PPP4R2: variants seen among roughly 807,000 people sequenced by gnomAD.
PPP4R2 encodes serine/threonine-protein phosphatase 4 regulatory subunit 2.
PPP4R2 carries 13 observed loss-of-function variants against 47.2 expected under a neutral mutation model. The ratio of observed to expected loss-of-function variants is 0.28; its 90% CI spans 0.18 to 0.44. The LOEUF is 0.44. Ranked by LOEUF, PPP4R2 falls within the 20% of genes least tolerant of loss-of-function variation. The probability of loss-of-function intolerance (pLI) is 1.00; values close to 1 mark genes in which losing one functional copy is unlikely to be tolerated. For synonymous variants in PPP4R2, 151 were observed against 163.3 expected (o/e 0.92, Z 0.57); for missense variants, 421 against 491.2 (o/e 0.86, Z 1.35).
rs1377545357 is a variant in PPP4R2 at position 73,066,257 on chromosome 3, TA to T, written c.*536del. The T allele has an allele frequency of 6.8e-6, 1 of 147,218 alleles. No homozygotes were observed. Among genetic ancestry groups the T allele is most frequent in the Non-Finnish European group, 1.5e-5 (1 of 66,774 alleles). The allele number at this position is 147,218 out of a possible 1,614,324, so 9.1% of individuals were successfully genotyped here. A position where few individuals can be genotyped will look rare whatever the true frequency, so the allele number is the denominator to read the frequency against. On this transcript the variant is annotated 3_prime_UTR_variant, in exon 9 of 9. Transcript: ENST00000356692. ...ATACATACATATATATATATATATA[TA>T]TATAATTCTAAGGGGGGAAATGTTA... is the stretch of plus-strand genomic sequence containing the variant.
In PPP4R2 at chr3:72,996,888, C is replaced by A. The variant is rs1157545713; in HGVS notation, c.-150C>A. On this transcript the variant is annotated 5_prime_UTR_variant, in exon 1 of 9. Coordinates refer to ENST00000356692, the MANE Select transcript of PPP4R2 (RefSeq NM_174907.4). ...TCGGTCTTGCTCTCTCGCACGCTTC[C>A]CCCGGCTCCCTTCGTTTCCCCCCCC... 4 of 459,188 alleles carry A rather than the reference C, an allele frequency of 8.7e-6. No homozygotes were observed. Among genetic ancestry groups the A allele is most frequent in the Non-Finnish European group, 1.5e-5 (4 of 266,408 alleles). 28.4% of individuals were successfully genotyped at this position (459,188 alleles called of 1,614,324 possible).
chr3:73,004,867 GTGTTTGTTTGTTTGTT>G (rs10574001), intron 2 of PPP4R2, among the ~76,000 whole-genome samples: 3 of 78,590 alleles, frequency 3.8e-5, no homozygotes, highest in Admixed American at 1.1e-4. Flanking sequence ...GTGTGTGTGT[GTGTTTGTTTGTTTGTT>G]TGTGTGTGTG....
chr3:72,997,251 C>T (rs2107185924), intron 1 of PPP4R2, 180 bp downstream of exon 1: 1 of 435,458 alleles, frequency 2.3e-6, no homozygotes, highest in Non-Finnish European at 4.1e-6. Flanking sequence ...TCTCTCCCGC[C>T]CCGCTCTGGC....
At chr3:73,020,494 C>T (rs187765350) in intron 2 of PPP4R2, among the ~76,000 whole-genome samples, 1 of 151,880 alleles carries the variant, frequency 6.6e-6, no homozygotes, top group African/African-American at 2.4e-5. Context: ...ATGCTGAAAC[C>T]CTGTCACTAC....
intron 2 of PPP4R2, among the ~76,000 whole-genome samples, chr3:72,999,409 A>G (rs1051060444): frequency 6.6e-6 from 1 of 152,256 alleles, no homozygotes; most frequent in Non-Finnish European, 1.5e-5. Context: ...ATAAATGCTT[A>G]GACTGCCACT....
At chr3:73,063,218 C>A in intron 5 of PPP4R2, 1 of 363,562 alleles carries the variant, frequency 2.8e-6, no homozygotes, top group South Asian at 3.2e-5. Context: ...ATCACACTCC[C>A]TTTGCTTCAA....
intron 2 of PPP4R2, among the ~76,000 whole-genome samples, chr3:73,035,750 C>G (rs1181365530): frequency 6.6e-6 from 1 of 152,022 alleles, no homozygotes; most frequent in African/African-American, 2.4e-5. Context: ...TCGGCCTCCC[C>G]AAGTAGCTGG....
chr3:73,005,667 G>A (rs994109917), intron 2 of PPP4R2, among the ~76,000 whole-genome samples: 2 of 151,894 alleles, frequency 1.3e-5, no homozygotes, highest in African/African-American at 2.4e-5. Context: ...TGACCAACAT[G>A]GAGAAACCCC....
chr3:73,041,580 C>A lies in PPP4R2; in HGVS notation c.117-5606C>A, dbSNP rs117111081. Reference sequence around the variant, plus strand: ...TCATCTCCATTAGATTTTATTTATTCATTCTTCTCAGATTCCCGTTTGATG... The same window carrying A: ...TCATCTCCATTAGATTTTATTTATTAATTCTTCTCAGATTCCCGTTTGATG... On this transcript the variant is annotated intron_variant, in intron 2 of 8. Coordinates refer to ENST00000356692, the MANE Select transcript of PPP4R2 (RefSeq NM_174907.4). 2.0e-3 allele frequency among the ~76,000 whole-genome samples: 306 copies of A among 152,312 alleles called. 9 individuals carry two copies. The East Asian group carries it at 0.042, about 21-fold the overall frequency.
intron 5 of PPP4R2, chr3:73,061,548 T>G (rs1702858139): frequency 6.4e-6 from 1 of 155,548 alleles, no homozygotes; most frequent in Non-Finnish European, 1.4e-5. Context: ...TGAGTGGGTG[T>G]CCTGGGGATT....
intron 6 of PPP4R2, 54 bp from the exon 7 acceptor site, chr3:73,063,949 A>G: frequency 6.7e-7 from 1 of 1,489,488 alleles, no homozygotes; most frequent in Admixed American, 2.1e-5. Context: ...ACATACCTTA[A>G]GAGGGATGAC....
chr3:73,022,352 T>C (rs1472001711), intron 2 of PPP4R2, among the ~76,000 whole-genome samples: 1 of 152,024 alleles, frequency 6.6e-6, no homozygotes, highest in Non-Finnish European at 1.5e-5. Flanking sequence ...TAAGCTTAGG[T>C]TAGGGGCCTA....
intron 8 of PPP4R2, 125 bp downstream of exon 8, chr3:73,065,266 C>T: frequency 7.7e-7 from 1 of 1,294,756 alleles, no homozygotes; most frequent in East Asian, 2.5e-5. Flanking sequence ...GCTTTTCTCC[C>T]ACCTGTATGT....
In PPP4R2 at chr3:73,064,020, C is replaced by CTG; in HGVS notation, c.513_514dup (p.Gly172ValfsTer18). ...TATTATAGGTCTAATATAAATGGGC[C>CTG]TGGGACACCCAGGCCACTTAATCGA... On this transcript the variant is annotated frameshift_variant, in exon 7 of 9. Transcript: ENST00000356692. LOFTEE classifies it high-confidence loss of function. 1 of 1,604,646 alleles carries CTG rather than the reference C, an allele frequency of 6.2e-7. No homozygotes were observed. The highest frequency in any genetic ancestry group is 8.5e-7 in the Non-Finnish European group (1 of 1,177,718).
At chr3:73,050,824 T>A (rs1702596114) in intron 3 of PPP4R2, among the ~76,000 whole-genome samples, 1 of 152,244 alleles carries the variant, frequency 6.6e-6, no homozygotes, top group South Asian at 2.1e-4. Flanking sequence ...TTTTTTTGGC[T>A]GTTAACAAGC....
At chr3:73,056,762 C>T (rs1702739271) in intron 3 of PPP4R2, among the ~76,000 whole-genome samples, 2 of 152,092 alleles carry the variant, frequency 1.3e-5, no homozygotes, top group Admixed American at 1.3e-4. Flanking sequence ...TAATTGGCTA[C>T]AATTTAACTT....
chr3:73,038,230 A>T (rs1702303408), intron 2 of PPP4R2, among the ~76,000 whole-genome samples: 1 of 152,174 alleles, frequency 6.6e-6, no homozygotes, highest in Admixed American at 6.5e-5. Flanking sequence ...AGCTAGTACA[A>T]GTTAAAAAAC....
intron 2 of PPP4R2, among the ~76,000 whole-genome samples, chr3:73,007,400 CCTT>C (rs1701633177): frequency 1.3e-5 from 2 of 152,138 alleles, no homozygotes; most frequent in Non-Finnish European, 1.5e-5. Context: ...AAGAAATTCT[CCTT>C]AAGCCCATGA....
In PPP4R2 at chr3:73,021,900, A is replaced by ATAT. The variant is rs1553646890; in HGVS notation, c.116+23743_116+23744insATT. The stretch of plus-strand genomic sequence containing the variant: ...TGTGTGTATATATGCATATATATAT[A>ATAT]TTTTTTTTTTTTTTTTGAAACAATC... On this transcript the variant is annotated intron_variant, in intron 2 of 8. Coordinates refer to ENST00000356692, the MANE Select transcript of PPP4R2 (RefSeq NM_174907.4). Among the ~76,000 whole-genome samples, 298 of 114,780 alleles carry ATAT rather than the reference A, an allele frequency of 2.6e-3. 1 individual carries two copies. Among genetic ancestry groups the ATAT allele is most frequent in the South Asian group, 0.016 (48 of 3,020 alleles). 75.3% of individuals were successfully genotyped at this position (114,780 alleles called of 152,430 possible).
Sources: allele counts gnomAD v4.1 joint callset (sites outside exome capture counted in the v4.1 genomes callset), GRCh38; gene constraint gnomAD v4.1.1; transcripts MANE v1.5; gene names NCBI Gene and HGNC (gene_info 2026-07-23, HGNC 2026-07-21).